Variants in BAZ1B observed in about 807,000 individuals in gnomAD.
BAZ1B encodes bromodomain adjacent to zinc finger domain 1B.
BAZ1B carries 22 observed loss-of-function variants against 153.8 expected under a neutral mutation model. The ratio of observed to expected loss-of-function variants is 0.14; its 90% CI spans 0.10 to 0.20. The LOEUF (loss-of-function observed/expected upper bound fraction) is 0.20. Ranked by LOEUF, BAZ1B falls within the 10% of genes least tolerant of loss-of-function variation. BAZ1B has a pLI of 1.00. For synonymous variants in BAZ1B, 676 were observed against 633.4 expected (o/e 1.07, Z -1.01); for missense variants, 1,325 against 1,799.3 (o/e 0.74, Z 4.77).
chr7:73,449,803 G>C, intron 14 of BAZ1B, 114 bp from the exon 15 acceptor site: 2 of 1,157,480 alleles, frequency 1.7e-6, no homozygotes, highest in Non-Finnish European at 2.4e-6. Flanking sequence ...ATGTTCCATA[G>C]AATGCTACCC....
intron 11 of BAZ1B, 46 bp downstream of exon 11, chr7:73,465,393 T>C: frequency 1.6e-6 from 2 of 1,274,388 alleles, no homozygotes; most frequent in Non-Finnish European, 2.2e-6. Flanking sequence ...TTATATCCAA[T>C]GCTAAAGAGA....
At chr7:73,508,928 G>A (rs1272691289) in intron 2 of BAZ1B, among the ~76,000 whole-genome samples, 9 of 147,802 alleles carry the variant, frequency 6.1e-5, no homozygotes, top group African/African-American at 2.3e-4. Context: ...CAGGAGAATG[G>A]CATGAACCCA....
rs1791080158 is a variant in BAZ1B, at chr7:73,522,026, G to C, written c.-93C>G. On this transcript the variant is annotated 5_prime_UTR_variant, in exon 1 of 20. Coordinates refer to ENST00000339594, the MANE Select transcript of BAZ1B (RefSeq NM_032408.4). ...GCCCGGAGCGAGCGCCAGGCGCCCG[G>C]GGGTGGGGTGGGGGAAGGGAGGGGT... is the stretch of plus-strand genomic sequence containing the variant. 5 of 882,984 alleles carry C rather than the reference G, an allele frequency of 5.7e-6. No individual in the cohort carries two copies. Among genetic ancestry groups the C allele is most frequent in the Non-Finnish European group, 7.5e-6 (5 of 671,138 alleles). The allele number at this position is 882,984 out of a possible 1,614,324, so 54.7% of individuals were successfully genotyped here.
intron 7 of BAZ1B, among the ~76,000 whole-genome samples, chr7:73,475,021 T>A (rs1788945863): frequency 6.6e-6 from 1 of 152,064 alleles, no homozygotes; most frequent in Admixed American, 6.5e-5. Context: ...AAAACCACAA[T>A]GAGATACCAT....
chr7:73,454,110 G>A (rs1788110552), intron 13 of BAZ1B, among the ~76,000 whole-genome samples: 1 of 151,540 alleles, frequency 6.6e-6, no homozygotes, highest in Non-Finnish European at 1.5e-5. Flanking sequence ...ATCAGCCTGG[G>A]CAATGTAGGG....
chr7:73,452,494 C>T (rs1027099832), intron 13 of BAZ1B, among the ~76,000 whole-genome samples: 3 of 152,016 alleles, frequency 2.0e-5, no homozygotes, highest in African/African-American at 4.8e-5. Context: ...GAGGCCGAGG[C>T]GGGCGGATCA....
intron 4 of BAZ1B, among the ~76,000 whole-genome samples, chr7:73,495,858 A>AAC (rs1266623043): frequency 2.0e-5 from 3 of 152,202 alleles, no homozygotes; most frequent in Non-Finnish European, 4.4e-5. Flanking sequence ...AGAGGGGAAC[A>AAC]ACACACACTC....
chr7:73,497,805 G>C (rs1416656854), intron 4 of BAZ1B, among the ~76,000 whole-genome samples: 1 of 152,126 alleles, frequency 6.6e-6, no homozygotes, highest in Non-Finnish European at 1.5e-5. Context: ...GGCTTATAAT[G>C]TGAAGATCAG....
intron 9 of BAZ1B, among the ~76,000 whole-genome samples, chr7:73,466,894 G>A (rs1228240802): frequency 6.6e-6 from 1 of 152,102 alleles, no homozygotes; most frequent in Non-Finnish European, 1.5e-5. Context: ...ATTTATCAAA[G>A]CCTATCTTAG....
intron 1 of BAZ1B, among the ~76,000 whole-genome samples, chr7:73,512,265 A>G (rs1790618044): frequency 1.3e-5 from 2 of 151,762 alleles, no homozygotes; most frequent in South Asian, 2.1e-4. Context: ...ACAAGTTCAT[A>G]AAGTTTCTTA....
intron 6 of BAZ1B, among the ~76,000 whole-genome samples, chr7:73,480,029 C>A (rs190226544): frequency 1.6e-4 from 24 of 152,078 alleles, no homozygotes; most frequent in African/African-American, 5.1e-4. Flanking sequence ...ATTAGCCAGG[C>A]ATGGTGGCGG....
At chr7:73,505,143 A>C (rs1790284461) in intron 3 of BAZ1B, among the ~76,000 whole-genome samples, 1 of 152,230 alleles carries the variant, frequency 6.6e-6, no homozygotes, top group South Asian at 2.1e-4. Flanking sequence ...GTGGTTATGT[A>C]AGCCAAGGTC....
intron 12 of BAZ1B, chr7:73,462,385 A>C (rs186280657): frequency 6.3e-6 from 1 of 157,908 alleles, no homozygotes; most frequent in Non-Finnish European, 1.4e-5. Context: ...CTATTCACCA[A>C]TCTTTGATAC....
intron 3 of BAZ1B, among the ~76,000 whole-genome samples, chr7:73,500,759 C>T (rs915851634): frequency 2.0e-5 from 3 of 151,466 alleles, no homozygotes; most frequent in East Asian, 3.9e-4. Flanking sequence ...GGCATGGTGG[C>T]GGGCACCTGT....
chr7:73,452,681 C>G (rs1554568569), intron 13 of BAZ1B, among the ~76,000 whole-genome samples: 1 of 149,562 alleles, frequency 6.7e-6, no homozygotes, highest in Non-Finnish European at 1.5e-5. Flanking sequence ...GAGATTGCAC[C>G]ACTGCACTCC....
At chr7:73,520,747 G>C (rs961277726) in intron 1 of BAZ1B, among the ~76,000 whole-genome samples, 7 of 152,160 alleles carry the variant, frequency 4.6e-5, no homozygotes, top group African/African-American at 1.7e-4. Flanking sequence ...AGGGAGAAAT[G>C]AAATAACTCT....
intron 1 of BAZ1B, among the ~76,000 whole-genome samples, chr7:73,517,625 A>G (rs1451247120): frequency 3.3e-5 from 5 of 152,248 alleles, no homozygotes; most frequent in Non-Finnish European, 5.9e-5. Flanking sequence ...GGTTACCAAA[A>G]TAAGTCACTC....
chr7:73,491,622 A>G (rs73134949), intron 5 of BAZ1B, among the ~76,000 whole-genome samples: 7,458 of 152,170 alleles, frequency 0.049, 210 homozygotes, highest in Non-Finnish European at 0.066. Flanking sequence ...GAAAAGAAAA[A>G]AAAAATCCTA....
At chr7:73,481,775 C>T (rs1554573720) in intron 6 of BAZ1B, among the ~76,000 whole-genome samples, 2 of 152,072 alleles carry the variant, frequency 1.3e-5, no homozygotes, top group Non-Finnish European at 2.9e-5. Flanking sequence ...GGGTGGCTCA[C>T]GCCTGTAATC....
Sources: allele counts gnomAD v4.1 joint callset (sites outside exome capture counted in the v4.1 genomes callset), GRCh38; gene constraint gnomAD v4.1.1; transcripts MANE v1.5; gene names NCBI Gene and HGNC (gene_info 2026-07-23, HGNC 2026-07-21).